CAMKMT: variants seen among roughly 807,000 people sequenced by gnomAD.
CAMKMT encodes the protein calmodulin-lysine N-methyltransferase.
CAMKMT carries 53 observed loss-of-function variants against 48.0 expected under a neutral mutation model. That is an observed-to-expected ratio of 1.10 (90% CI 0.89 to 1.39). The LOEUF is 1.39. Ranked by LOEUF, CAMKMT falls within the 40% of genes most tolerant of loss-of-function variation. The pLI, the probability that CAMKMT is intolerant of heterozygous loss-of-function variation, is 0.00. For synonymous variants in CAMKMT, 165 were observed against 152.3 expected (o/e 1.08, Z -0.61); for missense variants, 428 against 402.7 (o/e 1.06, Z -0.54).
chr2:44,617,530 C>G (rs1417541145), intron 3 of CAMKMT, among the ~76,000 whole-genome samples: 3 of 152,178 alleles, frequency 2.0e-5, no homozygotes, highest in Non-Finnish European at 4.4e-5. Flanking sequence ...TGGAATAATT[C>G]AAACTATAAA....
intron 3 of CAMKMT, among the ~76,000 whole-genome samples, chr2:44,533,914 C>T (rs1666623220): frequency 6.6e-6 from 1 of 152,154 alleles, no homozygotes; most frequent in Non-Finnish European, 1.5e-5. Flanking sequence ...ATTAAATTTT[C>T]CACTTAAAAC....
At chr2:44,378,215 G>T (rs1008812405) in intron 2 of CAMKMT, among the ~76,000 whole-genome samples, 1 of 152,182 alleles carries the variant, frequency 6.6e-6, no homozygotes, top group East Asian at 1.9e-4. Flanking sequence ...ATAGATATGG[G>T]CTAGTATAAC....
chr2:44,590,312 A>T (rs1378426278), intron 3 of CAMKMT, among the ~76,000 whole-genome samples: 2 of 152,192 alleles, frequency 1.3e-5, no homozygotes, highest in African/African-American at 4.8e-5. Flanking sequence ...CAGTTTTCTC[A>T]AAGAGTTTGA....
chr2:44,436,061 A>G (rs543186112), intron 3 of CAMKMT, among the ~76,000 whole-genome samples: 2 of 59,678 alleles, frequency 3.4e-5, no homozygotes, highest in Non-Finnish European at 6.7e-5. Context: ...CTAGGAATCA[A>G]ACCAATTCTT....
intron 3 of CAMKMT, among the ~76,000 whole-genome samples, chr2:44,487,761 A>G (rs572810642): frequency 6.6e-6 from 1 of 152,246 alleles, no homozygotes; most frequent in African/African-American, 2.4e-5. Flanking sequence ...CAGAAGACCC[A>G]TAAGGCCCCT....
intron 3 of CAMKMT, among the ~76,000 whole-genome samples, chr2:44,574,240 A>G (rs1669081241): frequency 6.6e-6 from 1 of 152,206 alleles, no homozygotes; most frequent in Non-Finnish European, 1.5e-5. Flanking sequence ...AAGAGGCAGA[A>G]CCAGGGAGCA....
At chr2:44,617,278 G>A (rs1393411831) in intron 3 of CAMKMT, among the ~76,000 whole-genome samples, 2 of 152,104 alleles carry the variant, frequency 1.3e-5, no homozygotes, top group Non-Finnish European at 2.9e-5. Context: ...TGGCTCTGCA[G>A]GAGTTTTTAA....
At chr2:44,492,773 A>T (rs1156695092) in intron 3 of CAMKMT, among the ~76,000 whole-genome samples, 1 of 152,216 alleles carries the variant, frequency 6.6e-6, no homozygotes, top group Non-Finnish European at 1.5e-5. Flanking sequence ...TTCTAAAGAT[A>T]AAGGCTTTCT....
At chr2:44,751,754 G>C (rs1680162847) in intron 8 of CAMKMT, among the ~76,000 whole-genome samples, 1 of 152,176 alleles carries the variant, frequency 6.6e-6, no homozygotes, top group African/African-American at 2.4e-5. Flanking sequence ...CTGAAGCTAG[G>C]TAATTTATAA....
At position 44,408,275 on chromosome 2, in the gene CAMKMT, C is replaced by T. The variant is rs371785050; in HGVS notation, c.376+17970C>T. Among the ~76,000 whole-genome samples the T allele has an allele frequency of 4.3e-4, 65 of 152,178 alleles. No homozygotes were observed. In the East Asian group the frequency reaches 0.011, roughly 27 times the overall value. ...TACTAACCTTGTGATCCACCCACCT[C>T]GGCCTCCCAAAGTTCTGGGATTACA... On this transcript the variant is annotated intron_variant, in intron 3 of 10. Transcript: ENST00000378494.
chr2:44,408,915 T>TG (rs1682970304), intron 3 of CAMKMT, among the ~76,000 whole-genome samples: 2 of 151,642 alleles, frequency 1.3e-5, no homozygotes. Context: ...CTAATATTTG[T>TG]ATTTTTTATA....
intron 2 of CAMKMT, among the ~76,000 whole-genome samples, chr2:44,389,478 AC>A (rs1473562717): frequency 6.6e-6 from 1 of 152,146 alleles, no homozygotes; most frequent in Non-Finnish European, 1.5e-5. Context: ...GTTATTACAA[AC>A]TTTTATAACA....
chr2:44,771,148 G>A (rs949333122), intron 10 of CAMKMT, among the ~76,000 whole-genome samples: 1 of 152,030 alleles, frequency 6.6e-6, no homozygotes, highest in Non-Finnish European at 1.5e-5. Flanking sequence ...TTTGCTTTAG[G>A]GTGGGTGGAG....
At chr2:44,443,583 G>C (rs1666800026) in intron 3 of CAMKMT, among the ~76,000 whole-genome samples, 1 of 152,056 alleles carries the variant, frequency 6.6e-6, no homozygotes, top group East Asian at 1.9e-4. Flanking sequence ...TAAATTTCTT[G>C]CTTTGTAGTT....
At chr2:44,729,705 C>G (rs1678977511) in intron 7 of CAMKMT, among the ~76,000 whole-genome samples, 1 of 152,066 alleles carries the variant, frequency 6.6e-6, no homozygotes, top group Non-Finnish European at 1.5e-5. Context: ...AGCATGTGAT[C>G]AGGCAAGCCG....
At chr2:44,572,005 A>G (rs928601014) in intron 3 of CAMKMT, among the ~76,000 whole-genome samples, 2 of 152,200 alleles carry the variant, frequency 1.3e-5, no homozygotes, top group African/African-American at 4.8e-5. Flanking sequence ...TAAAACATAT[A>G]TAATCTTTTA....
Position 44,657,512 on chromosome 2 carries a change from A to G in CAMKMT, c.377-46771A>G, listed in dbSNP as rs1295620210. On this transcript the variant is annotated intron_variant, in intron 3 of 10. Coordinates refer to ENST00000378494, the MANE Select transcript of CAMKMT (RefSeq NM_024766.5). The surrounding 1 kb of genome is among the most constrained non-coding windows in gnomAD (Gnocchi z 4.3). ...ATTTCTGGCCAAGGTCATGCCTTCC[A>G]TGCTTTATGGTATGTAAGTTTGGAA... Among the ~76,000 whole-genome samples, 1 of 152,206 alleles carries G rather than the reference A, an allele frequency of 6.6e-6. No homozygotes were observed. Among genetic ancestry groups the G allele is most frequent in the African/African-American group, 2.4e-5 (1 of 41,456 alleles).
chr2:44,386,254 G>T (rs1680768417), intron 2 of CAMKMT, among the ~76,000 whole-genome samples: 1 of 151,902 alleles, frequency 6.6e-6, no homozygotes, highest in Non-Finnish European at 1.5e-5. Flanking sequence ...AGCTAGGAGG[G>T]TTATATTTTT....
chr2:44,572,656 G>T (rs1265204998), intron 3 of CAMKMT, among the ~76,000 whole-genome samples: 1 of 151,948 alleles, frequency 6.6e-6, no homozygotes, highest in Non-Finnish European at 1.5e-5. Context: ...TCTGGAAGTG[G>T]AATTGGCTGT....
Sources: gnomAD v4.1 joint callset for allele counts (sites outside exome capture counted in the v4.1 genomes callset) on GRCh38, gnomAD v4.1.1 for gene constraint, Gnocchi (gnomAD v3.1) non-coding constraint, MANE v1.5 for transcripts, NCBI Gene and HGNC (gene_info 2026-07-23, HGNC 2026-07-21) for gene names.